AGBL1: variants seen among roughly 807,000 people sequenced by gnomAD.
AGBL1 encodes AGBL carboxypeptidase 1.
A neutral mutation model predicts 118.9 loss-of-function variants in AGBL1; 130 were observed. The ratio of observed to expected loss-of-function variants is 1.09; its 90% CI spans 0.95 to 1.26. The LOEUF (loss-of-function observed/expected upper bound fraction) is 1.26. Among genes scored for constraint, AGBL1 ranks in the 50% most tolerant of loss-of-function variants. The pLI is 0.00. For synonymous variants in AGBL1, 555 were observed against 478.9 expected (o/e 1.16, Z -2.08); for missense variants, 1,584 against 1,298.1 (o/e 1.22, Z -3.38).
chr15:86,727,262 C>G (rs538609612), intron 22 of AGBL1, among the ~76,000 whole-genome samples: 32 of 152,222 alleles, frequency 2.1e-4, no homozygotes, highest in Non-Finnish European at 4.1e-4. Context: ...AAAGGTGACA[C>G]TAAAATTCAG....
intron 22 of AGBL1, among the ~76,000 whole-genome samples, chr15:86,855,557 C>A (rs1186061873): frequency 6.6e-6 from 1 of 152,148 alleles, no homozygotes; most frequent in African/African-American, 2.4e-5. Context: ...ATTTCAGTAT[C>A]CCCAGCCACA....
chr15:86,803,543 G>T (rs763238441), intron 22 of AGBL1, among the ~76,000 whole-genome samples: 1 of 152,056 alleles, frequency 6.6e-6, no homozygotes, highest in Non-Finnish European at 1.5e-5. Flanking sequence ...TTTCAGAAAC[G>T]GTAAGAGTCA....
chr15:86,959,551 C>T (rs1053203244), intron 23 of AGBL1, among the ~76,000 whole-genome samples: 1 of 148,268 alleles, frequency 6.7e-6, no homozygotes. Context: ...CACACAAACA[C>T]CCAAAGTCTT....
At chr15:86,144,530 G>A (rs1246324087) in intron 3 of AGBL1, among the ~76,000 whole-genome samples, 2 of 152,154 alleles carry the variant, frequency 1.3e-5, no homozygotes, top group African/African-American at 4.8e-5. Context: ...GGTGGAGCTG[G>A]AGGCCATTAT....
At chr15:86,287,812 T>C (rs1376349941) in intron 16 of AGBL1, among the ~76,000 whole-genome samples, 16 of 152,156 alleles carry the variant, frequency 1.1e-4, no homozygotes. Context: ...TCCCAAAACA[T>C]ATTCAATAGC....
intron 23 of AGBL1, among the ~76,000 whole-genome samples, chr15:86,929,967 C>T (rs1053391650): frequency 1.3e-5 from 2 of 152,124 alleles, no homozygotes; most frequent in East Asian, 1.9e-4. Context: ...CTTTGGCTGG[C>T]TAATATTTTG....
At chr15:86,929,445 T>G (rs942165618) in intron 23 of AGBL1, among the ~76,000 whole-genome samples, 4 of 152,138 alleles carry the variant, frequency 2.6e-5, no homozygotes, top group African/African-American at 9.7e-5. Flanking sequence ...CTGATCACAT[T>G]CCCCTCCAAT....
chr15:86,566,080 G>A (rs943214783), intron 21 of AGBL1, among the ~76,000 whole-genome samples: 7 of 149,674 alleles, frequency 4.7e-5, no homozygotes, highest in Admixed American at 2.7e-4. Context: ...GCACTTCCCA[G>A]GTGAGGTGAT....
intron 24 of AGBL1, among the ~76,000 whole-genome samples, chr15:87,004,574 A>G (rs2081477560): frequency 6.6e-6 from 1 of 151,994 alleles, no homozygotes; most frequent in Non-Finnish European, 1.5e-5. Flanking sequence ...TTTTGAGCCT[A>G]TTTATGTCTC....
intron 21 of AGBL1, among the ~76,000 whole-genome samples, chr15:86,656,942 T>C (rs988423525): frequency 1.7e-4 from 26 of 152,158 alleles, no homozygotes; most frequent in Non-Finnish European, 4.4e-5. Context: ...TCTGCTCCCT[T>C]CCCTTAGGAA....
At chr15:86,874,540 A>C (rs1033606478) in intron 22 of AGBL1, among the ~76,000 whole-genome samples, 1 of 152,112 alleles carries the variant, frequency 6.6e-6, no homozygotes, top group African/African-American at 2.4e-5. Flanking sequence ...TTGAAGGAGT[A>C]CCAGAGTGGG....
chr15:86,123,696 A>T (rs969713787), intron 1 of AGBL1, among the ~76,000 whole-genome samples: 2 of 152,224 alleles, frequency 1.3e-5, no homozygotes, highest in Non-Finnish European at 2.9e-5. Context: ...GACCAAACCA[A>T]TGTATATCTT....
intron 1 of AGBL1, among the ~76,000 whole-genome samples, chr15:86,125,245 A>G (rs1164045034): frequency 2.6e-5 from 4 of 152,192 alleles, no homozygotes; most frequent in African/African-American, 9.6e-5. Flanking sequence ...GTTAACCAAG[A>G]TAACTGTTGC....
intron 22 of AGBL1, among the ~76,000 whole-genome samples, chr15:86,848,157 C>G (rs2079345374): frequency 6.6e-6 from 1 of 152,152 alleles, no homozygotes; most frequent in Non-Finnish European, 1.5e-5. Context: ...GAAGTGGGAG[C>G]TACCCACAGC....
intron 7 of AGBL1, among the ~76,000 whole-genome samples, chr15:86,253,272 A>T (rs971924138): frequency 6.6e-6 from 1 of 152,104 alleles, no homozygotes; most frequent in African/African-American, 2.4e-5. Flanking sequence ...TTGTTTTGAG[A>T]TGGAGTCTCG....
chr15:86,573,798 A>T (rs377503515), intron 21 of AGBL1, among the ~76,000 whole-genome samples: 2 of 152,202 alleles, frequency 1.3e-5, no homozygotes, highest in East Asian at 3.9e-4. Context: ...AATCGGAAAG[A>T]TACAAAATGT....
chr15:86,897,338 C>A (rs184333123), intron 22 of AGBL1, among the ~76,000 whole-genome samples: 1 of 152,082 alleles, frequency 6.6e-6, no homozygotes, highest in Non-Finnish European at 1.5e-5. Flanking sequence ...ATCATTCAGT[C>A]TATTCTTATT....
chr15:86,261,459 T>C (rs561492566), intron 9 of AGBL1, among the ~76,000 whole-genome samples: 1 of 152,340 alleles, frequency 6.6e-6, no homozygotes, highest in South Asian at 2.1e-4. Context: ...AATTTGAAGT[T>C]TGGAGAAAAA....
rs116305414 is a variant in AGBL1, at chr15:86,710,611, C to G, written c.3158+36175C>G. Among the ~76,000 whole-genome samples, 763 of 152,238 alleles carry G rather than the reference C, an allele frequency of 5.0e-3. 3 individuals are homozygous for G. Among genetic ancestry groups the G allele is most frequent in the African/African-American group, 0.018 (739 of 41,548 alleles). On this transcript the variant is annotated intron_variant, in intron 22 of 22. Transcript: ENST00000614907. ...CTATTGGACCAGCTAGAAGAGGAAA[C>G]AAGTAAATGCAATACAACTGAATTC... is the stretch of plus-strand genomic sequence containing the variant.
Sources: allele counts gnomAD v4.1 joint callset (sites outside exome capture counted in the v4.1 genomes callset), GRCh38; gene constraint gnomAD v4.1.1; transcripts MANE v1.5; gene names NCBI Gene and HGNC (gene_info 2026-07-23, HGNC 2026-07-21).